FANCL: variants seen among roughly 807,000 people sequenced by gnomAD.
FANCL encodes the protein E3 ubiquitin-protein ligase FANCL.
A neutral mutation model predicts 59.4 loss-of-function variants in FANCL; 69 were observed. The observed-to-expected ratio is 1.16, with a 90% confidence interval of 0.96 to 1.42. The LOEUF (loss-of-function observed/expected upper bound fraction) is 1.42, where lower values mean the gene tolerates loss of function less well. Among genes scored for constraint, FANCL ranks in the 40% most tolerant of loss-of-function variants. The pLI is 0.00. For missense variants in FANCL, 519 were observed against 447.2 expected (o/e 1.16, Z -1.45); for synonymous variants, 180 against 147.1 (o/e 1.22, Z -1.62).
chr2:58,182,924 T>A (rs1284909145), intron 7 of FANCL, among the ~76,000 whole-genome samples: 1 of 151,824 alleles, frequency 6.6e-6, no homozygotes, highest in Non-Finnish European at 1.5e-5. Flanking sequence ...TTGCACCTTT[T>A]TAGCAAGTTA....
chr2:58,239,190 C>T (rs988085925), intron 1 of FANCL, among the ~76,000 whole-genome samples: 3 of 152,092 alleles, frequency 2.0e-5, no homozygotes, highest in African/African-American at 7.2e-5. Context: ...AAGTTTGATG[C>T]CTCAGAGTAC....
At chr2:58,205,389 C>T (rs1020441612) in intron 5 of FANCL, among the ~76,000 whole-genome samples, 1 of 151,974 alleles carries the variant, frequency 6.6e-6, no homozygotes, top group African/African-American at 2.4e-5. Context: ...GTTTTATACA[C>T]ATAAAAATAA....
At chr2:58,177,208 T>C (rs528672825) in intron 7 of FANCL, among the ~76,000 whole-genome samples, 4 of 152,292 alleles carry the variant, frequency 2.6e-5, no homozygotes, top group Admixed American at 2.6e-4. Context: ...TCAACCCTTG[T>C]GGAAGTCAGT....
chr2:58,234,453 A>C (rs1693838190), intron 1 of FANCL, among the ~76,000 whole-genome samples: 1 of 151,936 alleles, frequency 6.6e-6, no homozygotes, highest in Non-Finnish European at 1.5e-5. Context: ...AAAGCAAGAA[A>C]ATTACCAAAT....
intron 1 of FANCL, among the ~76,000 whole-genome samples, chr2:58,235,370 T>G (rs1430749632): frequency 2.0e-5 from 3 of 152,086 alleles, no homozygotes; most frequent in Admixed American, 2.0e-4. Flanking sequence ...AGTGGAAACC[T>G]TGCAATGTAA....
intron 7 of FANCL, among the ~76,000 whole-genome samples, chr2:58,172,539 G>A (rs1288941424): frequency 6.6e-6 from 1 of 152,174 alleles, no homozygotes; most frequent in African/African-American, 2.4e-5. Context: ...GCAGCTGAGG[G>A]TCTCTGTTAA....
intron 2 of FANCL, among the ~76,000 whole-genome samples, chr2:58,230,322 T>TA (rs1693454440): frequency 6.6e-6 from 1 of 152,168 alleles, no homozygotes; most frequent in South Asian, 2.1e-4. Flanking sequence ...TTTTATTTTT[T>TA]AGAGACAGGA....
intron 1 of FANCL, 40 bp from the exon 2 acceptor site, chr2:58,232,152 T>G: frequency 6.7e-7 from 1 of 1,496,960 alleles, no homozygotes; most frequent in Non-Finnish European, 9.3e-7. Flanking sequence ...AATTTTTATC[T>G]TTCACTTAAT....
chr2:58,207,486 G>T (rs1690706245), intron 5 of FANCL, among the ~76,000 whole-genome samples: 1 of 152,130 alleles, frequency 6.6e-6, no homozygotes, highest in South Asian at 2.1e-4. Context: ...CTGGATTCTT[G>T]AATGTCCTTG....
At chr2:58,164,499 A>G (rs1244251145) in intron 8 of FANCL, among the ~76,000 whole-genome samples, 1 of 151,998 alleles carries the variant, frequency 6.6e-6, no homozygotes, top group Non-Finnish European at 1.5e-5. Context: ...ATGGCTCCAG[A>G]CAGTACTTTC....
rs369327529 is a variant in FANCL, at chr2:58,241,078, G to A, written c.96+140C>T. 60 of 832,518 alleles carry A rather than the reference G, an allele frequency of 7.2e-5. 1 individual carries two copies. The Admixed American group carries it at 1.2e-3, about 17-fold the overall frequency. 51.6% of individuals were successfully genotyped at this position (832,518 alleles called of 1,614,324 possible). Reference sequence around the variant, plus strand: ...GACAGCGGCGCTTCTCAAACCTTTAGTCTCCCAAGAGCCGTTACGCGCCGC... The same window carrying A: ...GACAGCGGCGCTTCTCAAACCTTTAATCTCCCAAGAGCCGTTACGCGCCGC... On this transcript the variant is annotated intron_variant, in intron 1 of 13. Transcript: ENST00000233741.
intron 4 of FANCL, 92 bp downstream of exon 4, chr2:58,226,636 A>G: frequency 1.1e-6 from 1 of 928,648 alleles, no homozygotes; most frequent in Admixed American, 2.1e-5. Context: ...TAAGAAGACA[A>G]ATTCTAATAA....
intron 1 of FANCL, 26 bp from the exon 2 acceptor site, chr2:58,232,138 C>A (rs777548616): frequency 6.3e-7 from 1 of 1,595,174 alleles, no homozygotes. Flanking sequence ...AAAAGGATCA[C>A]TCAAATTTTT....
intron 2 of FANCL, among the ~76,000 whole-genome samples, chr2:58,231,848 G>C (rs1311374537): frequency 6.6e-6 from 1 of 152,220 alleles, no homozygotes; most frequent in East Asian, 1.9e-4. Flanking sequence ...AAAAATGAGA[G>C]AACTAATGTT....
At chr2:58,231,068 C>T (rs570500893) in intron 2 of FANCL, among the ~76,000 whole-genome samples, 2 of 152,312 alleles carry the variant, frequency 1.3e-5, no homozygotes, top group African/African-American at 4.8e-5. Context: ...GCTTAAGCCT[C>T]TCTTTATTTG....
At chr2:58,220,704 T>A (rs746489381) in intron 5 of FANCL, among the ~76,000 whole-genome samples, 11 of 152,144 alleles carry the variant, frequency 7.2e-5, no homozygotes, top group Non-Finnish European at 1.6e-4. Context: ...TTCTGGTTCT[T>A]TTTAGGTTAG....
chr2:58,221,055 T>C (rs1049175488), intron 5 of FANCL, among the ~76,000 whole-genome samples: 9 of 149,720 alleles, frequency 6.0e-5, no homozygotes, highest in African/African-American at 1.5e-4. Flanking sequence ...CTACTAAAAA[T>C]ACAAAAAATT....
intron 7 of FANCL, among the ~76,000 whole-genome samples, chr2:58,166,990 G>A (rs1686016013): frequency 6.6e-6 from 1 of 152,204 alleles, no homozygotes; most frequent in Admixed American, 6.5e-5. Context: ...GAGGTGCGCA[G>A]ATCACGAGGT....
At chr2:58,210,127 CAT>C (rs1484424054) in intron 5 of FANCL, among the ~76,000 whole-genome samples, 3 of 152,158 alleles carry the variant, frequency 2.0e-5, no homozygotes, top group South Asian at 2.1e-4. Flanking sequence ...TATCTAGGAA[CAT>C]ATGATTATTA....
Sources: allele counts gnomAD v4.1 joint callset (sites outside exome capture counted in the v4.1 genomes callset), GRCh38; gene constraint gnomAD v4.1.1; transcripts MANE v1.5; gene names NCBI Gene and HGNC (gene_info 2026-07-23, HGNC 2026-07-21).